PTPRK: variants seen among roughly 807,000 people sequenced by gnomAD.
PTPRK encodes protein tyrosine phosphatase receptor type K, also known as receptor-type tyrosine-protein phosphatase kappa.
In PTPRK, 75 loss-of-function variants were observed where a neutral mutation model predicts 178.0. The observed-to-expected ratio is 0.42, with a 90% CI of 0.35 to 0.51. PTPRK has a LOEUF of 0.51. Ranked by LOEUF, PTPRK falls within the 20% of genes least tolerant of loss-of-function variation. The probability of loss-of-function intolerance (pLI) is 0.02; values close to 1 mark genes in which losing one functional copy is unlikely to be tolerated. For missense variants in PTPRK, 1,441 were observed against 1,797.8 expected (o/e 0.80, Z 3.59); for synonymous variants, 637 against 620.6 (o/e 1.03, Z -0.39).
chr6:128,162,879 C>CT (rs1004141724), intron 7 of PTPRK, among the ~76,000 whole-genome samples: 4 of 151,520 alleles, frequency 2.6e-5, no homozygotes, highest in African/African-American at 9.7e-5. Context: ...TATTTGAACA[C>CT]TGTGCCAGTT....
At chr6:128,326,235 C>T (rs1248967190) in intron 2 of PTPRK, among the ~76,000 whole-genome samples, 1 of 152,058 alleles carries the variant, frequency 6.6e-6, no homozygotes, top group Admixed American at 6.6e-5. Flanking sequence ...GTGCAGCAAA[C>T]CACCATGGCA....
intron 1 of PTPRK, among the ~76,000 whole-genome samples, chr6:128,415,142 A>G (rs1051634660): frequency 2.0e-4 from 31 of 152,218 alleles, no homozygotes; most frequent in Non-Finnish European, 4.3e-4. Flanking sequence ...CTAGGGAAGT[A>G]TTACAAAATC....
At chr6:128,183,243 A>G (rs1303867668) in intron 7 of PTPRK, among the ~76,000 whole-genome samples, 2 of 152,162 alleles carry the variant, frequency 1.3e-5, no homozygotes, top group East Asian at 1.9e-4. Flanking sequence ...TCTCCCTCAG[A>G]AAGTTTATCT....
At chr6:127,997,051 G>A in intron 16 of PTPRK, 63 bp from the exon 17 acceptor site, 1 of 1,524,850 alleles carries the variant, frequency 6.6e-7, no homozygotes, top group South Asian at 1.2e-5. Context: ...AGGTTTATCT[G>A]TTCTGAAGCC....
chr6:128,006,712 G>A (rs543464464), intron 14 of PTPRK, among the ~76,000 whole-genome samples: 7 of 150,854 alleles, frequency 4.6e-5, no homozygotes, highest in Non-Finnish European at 8.9e-5. Flanking sequence ...TTCATGCTGT[G>A]CATGTAAAAT....
intron 2 of PTPRK, among the ~76,000 whole-genome samples, chr6:128,359,575 A>C (rs1208245644): frequency 9.9e-5 from 15 of 151,692 alleles, no homozygotes; most frequent in Admixed American, 9.9e-4. Context: ...TATATGATGA[A>C]ACCCCACCTC....
chr6:128,150,191 G>A (rs1040243696), intron 7 of PTPRK, among the ~76,000 whole-genome samples: 2 of 152,156 alleles, frequency 1.3e-5, no homozygotes, highest in Non-Finnish European at 2.9e-5. Context: ...CCAGGGGTAA[G>A]AGTGGGGGTG....
At chr6:128,196,522 T>C (rs1304779726) in intron 6 of PTPRK, among the ~76,000 whole-genome samples, 3 of 152,164 alleles carry the variant, frequency 2.0e-5, no homozygotes, top group South Asian at 4.1e-4. Context: ...ACACTCACTT[T>C]CACACCTTAA....
rs1814814625 is a variant in PTPRK, at chr6:128,243,349, G to A, written c.496-747C>T. On this transcript the variant is annotated intron_variant, in intron 3 of 29. Coordinates refer to ENST00000368226, the MANE Select transcript of PTPRK (RefSeq NM_002844.4). The stretch of plus-strand genomic sequence containing the variant: ...ATAGTCAATAGCAAAGCTTGATATG[G>A]CCTTTCTTTTAATGTGTGCTGTGGC... 2.0e-5 allele frequency among the ~76,000 whole-genome samples: 3 copies of A among 151,760 alleles called. No homozygotes were observed. In the South Asian group the frequency reaches 6.3e-4, roughly 32 times the overall value.
At chr6:128,361,175 T>C (rs1834689485) in intron 2 of PTPRK, among the ~76,000 whole-genome samples, 1 of 152,150 alleles carries the variant, frequency 6.6e-6, no homozygotes, top group Non-Finnish European at 1.5e-5. Flanking sequence ...ACTCTATACT[T>C]GGGTAGTCCC....
intron 13 of PTPRK, among the ~76,000 whole-genome samples, chr6:128,055,137 T>C (rs978415554): frequency 6.6e-6 from 1 of 152,210 alleles, no homozygotes; most frequent in Non-Finnish European, 1.5e-5. Flanking sequence ...ACTATTTCAT[T>C]AAAAAGTCAA....
At chr6:128,241,294 C>T (rs762582246) in intron 4 of PTPRK, 12 of 533,192 alleles carry the variant, frequency 2.3e-5, no homozygotes, top group South Asian at 1.4e-4. Flanking sequence ...TCTCAATTTA[C>T]GAACTCTAGA....
intron 7 of PTPRK, among the ~76,000 whole-genome samples, chr6:128,147,730 A>C (rs543307771): frequency 6.6e-6 from 1 of 152,300 alleles, no homozygotes; most frequent in African/African-American, 2.4e-5. Context: ...AATAGATCAT[A>C]CGAAAACAAC....
At position 128,184,523 on chromosome 6, in the gene PTPRK, G is replaced by A. The variant is rs61757809; in HGVS notation, c.1071C>T (p.Thr357=). The A allele has an allele frequency of 6.4e-4, 1,027 of 1,613,854 alleles. 8 individuals are homozygous for A. In the African/African-American group the frequency reaches 0.011, roughly 17 times the overall value. ...TAAGTAGAACTCGGATCTCATATTC[G>A]GTATCTGGATCTAAATGCCATAATT... ...TYKLWHLDPD[T]EYEIRVLLTR... The change falls in exon 7 of 30, where the codon ACC becomes ACT. Residue 357 remains threonine, a synonymous_variant. Transcript: ENST00000368226.
chr6:128,364,193 C>T (rs1835160083), intron 2 of PTPRK, among the ~76,000 whole-genome samples: 1 of 151,552 alleles, frequency 6.6e-6, no homozygotes, highest in East Asian at 1.9e-4. Flanking sequence ...TTTTTTTATC[C>T]CTGTGATATA....
At chr6:128,470,870 C>T in intron 1 of PTPRK, among the ~76,000 whole-genome samples, 1 of 145,324 alleles carries the variant, frequency 6.9e-6, no homozygotes, top group East Asian at 2.0e-4. Context: ...CTATAGTACA[C>T]ATTTTCACTG....
intron 7 of PTPRK, among the ~76,000 whole-genome samples, chr6:128,166,437 A>C (rs1336082513): frequency 6.6e-6 from 1 of 151,766 alleles, no homozygotes; most frequent in Non-Finnish European, 1.5e-5. Flanking sequence ...TGTTTCTGCA[A>C]ATGTAAAATA....
intron 1 of PTPRK, among the ~76,000 whole-genome samples, chr6:128,472,422 C>A (rs1403269331): frequency 7.1e-5 from 3 of 42,040 alleles, no homozygotes; most frequent in East Asian, 3.0e-4. Flanking sequence ...TTTTTGACAC[C>A]CCCCCCCCCT....
intron 3 of PTPRK, among the ~76,000 whole-genome samples, chr6:128,319,011 G>C (rs750885844): frequency 3.9e-5 from 6 of 152,080 alleles, no homozygotes; most frequent in Non-Finnish European, 8.8e-5. Flanking sequence ...TGATTGTTCT[G>C]AACACATAGG....
Sources: gnomAD v4.1 joint callset for allele counts (sites outside exome capture counted in the v4.1 genomes callset) on GRCh38, gnomAD v4.1.1 for gene constraint, MANE v1.5 for transcripts, NCBI Gene and HGNC (gene_info 2026-07-23, HGNC 2026-07-21) for gene names.